GPC5: variants seen among roughly 807,000 people sequenced by gnomAD.
The protein encoded by GPC5 is glypican 5, also known as glypican-5.
In GPC5, 47 loss-of-function variants were observed where a neutral mutation model predicts 53.9. The observed-to-expected ratio is 0.87, with a 90% CI of 0.69 to 1.11. The LOEUF (loss-of-function observed/expected upper bound fraction) is 1.11. Among genes scored for constraint, GPC5 ranks in the 50% most tolerant of loss-of-function variants. The pLI, the probability that GPC5 is intolerant of heterozygous loss-of-function variation, is 0.00. For synonymous variants in GPC5, 286 were observed against 263.3 expected, an observed-to-expected ratio of 1.09 and a Z score of -0.84; for missense variants, 748 against 713.1, an observed-to-expected ratio of 1.05 and a Z score of -0.56.
chr13:91,415,524 C>G (rs912604545), intron 1 of GPC5, among the ~76,000 whole-genome samples: 4 of 152,096 alleles, frequency 2.6e-5, no homozygotes, highest in Non-Finnish European at 5.9e-5. Flanking sequence ...TTGGTTTCCC[C>G]AATGAGCCAC....
chr13:92,103,848 A>G (rs548186969), intron 6 of GPC5, among the ~76,000 whole-genome samples: 3 of 152,282 alleles, frequency 2.0e-5, no homozygotes, highest in Admixed American at 6.5e-5. Context: ...GGTTTTTTTC[A>G]GAAGTGCACA....
chr13:92,291,482 A>G (rs1349248768), intron 7 of GPC5, among the ~76,000 whole-genome samples: 2 of 152,104 alleles, frequency 1.3e-5, no homozygotes, highest in Admixed American at 1.3e-4. Flanking sequence ...TAGTGGGGAC[A>G]TGGAGAACCT....
chr13:91,709,792 A>C (rs1221819553), intron 3 of GPC5, among the ~76,000 whole-genome samples: 1 of 152,234 alleles, frequency 6.6e-6, no homozygotes, highest in African/African-American at 2.4e-5. Context: ...ATGATTCCCC[A>C]ATGAATATCT....
intron 6 of GPC5, among the ~76,000 whole-genome samples, chr13:92,035,214 CA>C (rs11410459): frequency 2.1e-4 from 25 of 119,788 alleles, no homozygotes; most frequent in Admixed American, 2.7e-4. Flanking sequence ...GACTCCGTCT[CA>C]AAAAAAAAAA....
chr13:91,780,060 G>A lies in GPC5; in HGVS notation c.1280+23640G>A, dbSNP rs193239123. On this transcript the variant is annotated intron_variant, in intron 5 of 7. Transcript: ENST00000377067. ...CAGCACAGTAGGTTTGTTTATACCAGCATCACACAAACACCAAACATGTGA... is the reference window on the plus strand; with the variant it reads ...CAGCACAGTAGGTTTGTTTATACCAACATCACACAAACACCAAACATGTGA... 2.3e-3 allele frequency among the ~76,000 whole-genome samples: 356 copies of A among 152,210 alleles called. 3 individuals are homozygous for A. The highest frequency in any genetic ancestry group is 7.8e-3 in the African/African-American group (322 of 41,536).
At chr13:91,421,371 A>G (rs1030026434) in intron 1 of GPC5, among the ~76,000 whole-genome samples, 1 of 152,196 alleles carries the variant, frequency 6.6e-6, no homozygotes, top group African/African-American at 2.4e-5. Context: ...ATAAAAGAGC[A>G]CATTTTTATA....
At chr13:92,806,887 C>T (rs183487589) in intron 7 of GPC5, among the ~76,000 whole-genome samples, 2 of 152,172 alleles carry the variant, frequency 1.3e-5, no homozygotes, top group East Asian at 3.9e-4. Context: ...TACAAGGACA[C>T]ACAAAGTGAA....
chr13:92,378,198 A>G (rs1164004688), intron 7 of GPC5, among the ~76,000 whole-genome samples: 1 of 152,188 alleles, frequency 6.6e-6, no homozygotes, highest in Non-Finnish European at 1.5e-5. Flanking sequence ...TGTCAGTCCC[A>G]GAGACTGCCC....
At chr13:91,609,314 C>T (rs985860193) in intron 2 of GPC5, among the ~76,000 whole-genome samples, 5 of 151,940 alleles carry the variant, frequency 3.3e-5, no homozygotes, top group South Asian at 2.1e-4. Flanking sequence ...TTTGACAGCA[C>T]CTTGGAATGA....
chr13:91,430,469 A>G (rs1374089011), intron 1 of GPC5, among the ~76,000 whole-genome samples: 1 of 152,144 alleles, frequency 6.6e-6, no homozygotes, highest in African/African-American at 2.4e-5. Context: ...CTTCTGAGAG[A>G]AGTTTTTCTT....
At chr13:92,682,475 A>G (rs542517818) in intron 7 of GPC5, among the ~76,000 whole-genome samples, 2 of 152,274 alleles carry the variant, frequency 1.3e-5, no homozygotes, top group South Asian at 4.1e-4. Flanking sequence ...TGTTATTATA[A>G]TCTTATTTTA....
intron 7 of GPC5, among the ~76,000 whole-genome samples, chr13:92,503,232 CCTA>C: frequency 6.6e-6 from 1 of 151,982 alleles, no homozygotes; most frequent in Admixed American, 6.6e-5. Context: ...TTACCTCCCT[CCTA>C]CTGTCTCACC....
chr13:92,021,010 A>G (rs899920018), intron 6 of GPC5, among the ~76,000 whole-genome samples: 11 of 152,164 alleles, frequency 7.2e-5, no homozygotes, highest in Non-Finnish European at 1.6e-4. Context: ...ACGCCATAAA[A>G]TAAGGGTCTA....
At chr13:92,653,581 G>A (rs1886029888) in intron 7 of GPC5, among the ~76,000 whole-genome samples, 1 of 152,144 alleles carries the variant, frequency 6.6e-6, no homozygotes, top group Non-Finnish European at 1.5e-5. Context: ...GTAACAAAAT[G>A]GCTATTTATA....
intron 7 of GPC5, among the ~76,000 whole-genome samples, chr13:92,443,412 G>T (rs1877658255): frequency 6.6e-6 from 1 of 152,094 alleles, no homozygotes; most frequent in Admixed American, 6.6e-5. Context: ...TTCTATAATT[G>T]GTGGTTTAGG....
chr13:92,051,835 C>T (rs1385160363), intron 6 of GPC5, among the ~76,000 whole-genome samples: 2 of 152,136 alleles, frequency 1.3e-5, no homozygotes, highest in East Asian at 1.9e-4. Context: ...CTAGACCAGA[C>T]ATATGAAGGG....
At chr13:92,162,021 A>G (rs2041993341) in intron 7 of GPC5, among the ~76,000 whole-genome samples, 1 of 135,858 alleles carries the variant, frequency 7.4e-6, no homozygotes, top group South Asian at 2.3e-4. Flanking sequence ...TTCTCTGGTT[A>G]TAAATTTGCA....
At chr13:92,674,461 G>A (rs552812577) in intron 7 of GPC5, among the ~76,000 whole-genome samples, 1 of 152,046 alleles carries the variant, frequency 6.6e-6, no homozygotes, top group South Asian at 2.1e-4. Context: ...GAATAGCATC[G>A]AGATAGGACA....
chr13:92,474,221 C>T (rs898341966), intron 7 of GPC5, among the ~76,000 whole-genome samples: 1 of 151,808 alleles, frequency 6.6e-6, no homozygotes, highest in African/African-American at 2.4e-5. Flanking sequence ...GGGACAAAAC[C>T]CATTGCACCA....
Sources: allele counts gnomAD v4.1 joint callset (sites outside exome capture counted in the v4.1 genomes callset), GRCh38; gene constraint gnomAD v4.1.1; transcripts MANE v1.5; gene names NCBI Gene and HGNC (gene_info 2026-07-23, HGNC 2026-07-21).